DCAF6: variants seen among roughly 807,000 people sequenced by gnomAD.
The protein encoded by DCAF6 is DDB1- and CUL4-associated factor 6.
Under a neutral mutation model 125.1 loss-of-function variants are expected in DCAF6, and 54 were observed. The observed-to-expected ratio is 0.43, with a 90% CI of 0.35 to 0.54. The LOEUF is 0.54. Among genes scored for constraint, DCAF6 ranks in the 20% least tolerant of loss-of-function variants. The probability of loss-of-function intolerance (pLI) is 0.01; values close to 1 mark genes in which losing one functional copy is unlikely to be tolerated. For missense variants in DCAF6, 934 were observed against 1,161.7 expected (o/e 0.80, Z 2.85); for synonymous variants, 371 against 390.4 (o/e 0.95, Z 0.58).
chr1:168,058,672 G>C (rs1691206048), intron 17 of DCAF6, among the ~76,000 whole-genome samples: 4 of 152,284 alleles, frequency 2.6e-5, no homozygotes, highest in Admixed American at 2.6e-4. Flanking sequence ...AGGTTCAAGT[G>C]ATTCTCCTGC....
At chr1:167,978,822 AT>A (rs1025665618) in intron 4 of DCAF6, among the ~76,000 whole-genome samples, 2 of 151,720 alleles carry the variant, frequency 1.3e-5, no homozygotes, top group Non-Finnish European at 2.9e-5. Flanking sequence ...CACCTGGGTA[AT>A]TTTTTTTATT....
At position 167,967,714 on chromosome 1, in the gene DCAF6, C is replaced by CTTTTTTTTTTTTTTTT. The variant is rs552208317; in HGVS notation, c.252+1004_252+1019dup. Among the ~76,000 whole-genome samples, 37 of 74,580 alleles carry CTTTTTTTTTTTTTTTT rather than the reference C, an allele frequency of 5.0e-4. 1 individual carries two copies. Among genetic ancestry groups the CTTTTTTTTTTTTTTTT allele is most frequent in the African/African-American group, 1.9e-3 (37 of 18,984 alleles). 48.9% of individuals were successfully genotyped at this position (74,580 alleles called of 152,430 possible). ...CCTGATTGTCTTAAATTTCCTGTAT[C>CTTTTTTTTTTTTTTTT]TTTTTTTTTTTTTTTTTTTTTTTTT... On this transcript the variant is annotated intron_variant, in intron 3 of 21. Coordinates refer to ENST00000367840, the MANE Select transcript of DCAF6 (RefSeq NM_001198956.2).
At chr1:167,888,720 C>T in the DCAF6 span, among the ~76,000 whole-genome samples, 6 of 151,638 alleles carry the variant, frequency 4.0e-5, no homozygotes, top group Admixed American at 1.3e-4. Context: ...ATTAAAAACA[C>T]AAAAAATTAG....
intron 5 of DCAF6, among the ~76,000 whole-genome samples, chr1:167,990,350 C>T (rs1680658839): frequency 6.6e-6 from 1 of 151,070 alleles, no homozygotes; most frequent in Admixed American, 6.6e-5. Context: ...GGCAACAGAG[C>T]AAGACATATC....
intron 10 of DCAF6, among the ~76,000 whole-genome samples, chr1:168,008,096 A>G (rs1683612210): frequency 6.6e-6 from 1 of 150,438 alleles, no homozygotes; most frequent in African/African-American, 2.5e-5. Flanking sequence ...CAGCCTCCCA[A>G]GTAGCTGGGA....
At position 168,057,377 on chromosome 1, in the gene DCAF6, A is replaced by G. The variant is rs538213933; in HGVS notation, c.2301-6244A>G. 2.0e-5 allele frequency among the ~76,000 whole-genome samples: 3 copies of G among 152,318 alleles called. No homozygotes were observed. The East Asian group carries it at 5.8e-4, about 29-fold the overall frequency. On this transcript the variant is annotated intron_variant, in intron 17 of 21. Transcript: ENST00000367840. ...TACTTTAACCTTGGAGTTATCTCCA[A>G]GATTCCAGATTTTCTGGAATATGCA...
the DCAF6 span, among the ~76,000 whole-genome samples, chr1:167,928,319 G>GAAAAAAAAAAA: frequency 1.1e-5 from 1 of 91,500 alleles, no homozygotes. Context: ...CTGCACTCCA[G>GAAAAAAAAAAA]AAAAAAAAAA....
the DCAF6 span, among the ~76,000 whole-genome samples, chr1:167,929,179 A>G: frequency 6.6e-6 from 1 of 151,112 alleles, no homozygotes; most frequent in East Asian, 1.9e-4. Flanking sequence ...ACCAACATGG[A>G]GAAACCCCAT....
At chr1:167,943,406 C>T (rs966899363) in intron 1 of DCAF6, among the ~76,000 whole-genome samples, 2 of 151,920 alleles carry the variant, frequency 1.3e-5, no homozygotes, top group Non-Finnish European at 2.9e-5. Context: ...GGTTTGTCTC[C>T]GTGTATTAAG....
chr1:167,906,719 G>T, the DCAF6 span, among the ~76,000 whole-genome samples: 2 of 152,024 alleles, frequency 1.3e-5, no homozygotes, highest in African/African-American at 4.8e-5. Context: ...AGCCCAGGAG[G>T]TCAAGGCTGC....
At position 167,956,212 on chromosome 1, in the gene DCAF6, T is replaced by C. The variant is rs1006959276; in HGVS notation, c.159+4351T>C. 2.0e-5 allele frequency among the ~76,000 whole-genome samples: 3 copies of C among 152,146 alleles called. No homozygotes were observed. In the East Asian group the frequency reaches 5.8e-4, roughly 29 times the overall value. On this transcript the variant is annotated intron_variant, in intron 2 of 21. Coordinates refer to ENST00000367840, the MANE Select transcript of DCAF6 (RefSeq NM_001198956.2). ...GATTTTGCCAAGTGTCTTTTTTTTTTCCTGGGAAATGTCTAACTATAATTC... is the reference window on the plus strand; with the variant it reads ...GATTTTGCCAAGTGTCTTTTTTTTTCCCTGGGAAATGTCTAACTATAATTC...
chr1:168,063,369 A>C (rs1004130347), intron 17 of DCAF6, among the ~76,000 whole-genome samples: 1 of 152,132 alleles, frequency 6.6e-6, no homozygotes, highest in Non-Finnish European at 1.5e-5. Context: ...AGTTTGCCGC[A>C]TGCTATTGCC....
At chr1:167,947,321 T>A (rs1260224929) in intron 1 of DCAF6, among the ~76,000 whole-genome samples, 1 of 151,962 alleles carries the variant, frequency 6.6e-6, no homozygotes, top group Non-Finnish European at 1.5e-5. Context: ...GAACCAGCTT[T>A]TCATTTCATT....
chr1:167,940,521 A>T (rs1322558330), intron 1 of DCAF6, among the ~76,000 whole-genome samples: 10 of 142,294 alleles, frequency 7.0e-5, no homozygotes. Flanking sequence ...TTTTTTTTTT[A>T]AAGAATAATT....
chr1:168,004,482 G>C (rs1429813064), intron 9 of DCAF6, 51 bp from the exon 10 acceptor site: 2 of 1,566,668 alleles, frequency 1.3e-6, no homozygotes, highest in African/African-American at 2.7e-5. Context: ...TAGAGTTGTT[G>C]GTTTTAGAAA....
At chr1:167,881,509 C>T in the DCAF6 span, among the ~76,000 whole-genome samples, 1 of 152,198 alleles carries the variant, frequency 6.6e-6, no homozygotes, top group Non-Finnish European at 1.5e-5. Flanking sequence ...TAGGTACGTG[C>T]AAAGAGGGCA....
At chr1:168,059,065 T>A (rs1691261988) in intron 17 of DCAF6, among the ~76,000 whole-genome samples, 1 of 152,230 alleles carries the variant, frequency 6.6e-6, no homozygotes, top group Non-Finnish European at 1.5e-5. Context: ...CACATTAAAT[T>A]TTATCAATCT....
chr1:167,943,607 G>A (rs2102648079), intron 1 of DCAF6, among the ~76,000 whole-genome samples: 2 of 152,196 alleles, frequency 1.3e-5, no homozygotes, highest in South Asian at 4.2e-4. Context: ...GGGCTTTTAA[G>A]GTATCCATCA....
At chr1:168,002,018 G>A (rs1682714893) in intron 7 of DCAF6, among the ~76,000 whole-genome samples, 1 of 152,010 alleles carries the variant, frequency 6.6e-6, no homozygotes, top group African/African-American at 2.4e-5. Flanking sequence ...ATTCTGTTTG[G>A]GAACCGAAGA....
Sources: gnomAD v4.1 joint callset for allele counts (sites outside exome capture counted in the v4.1 genomes callset) on GRCh38, gnomAD v4.1.1 for gene constraint, MANE v1.5 for transcripts, NCBI Gene and HGNC (gene_info 2026-07-23, HGNC 2026-07-21) for gene names.